ACO1: variants seen among roughly 807,000 people sequenced by gnomAD.
ACO1 encodes the protein cytoplasmic aconitate hydratase.
Under a neutral mutation model 105.1 loss-of-function variants are expected in ACO1, and 78 were observed. The ratio of observed to expected loss-of-function variants is 0.74; its 90% CI spans 0.62 to 0.90. The LOEUF (loss-of-function observed/expected upper bound fraction) is 0.90, where lower values mean the gene tolerates loss of function less well. Among genes scored for constraint, ACO1 ranks in the 40% least tolerant of loss-of-function variants. The pLI, the probability that ACO1 is intolerant of heterozygous loss-of-function variation, is 0.00. For synonymous variants in ACO1, 364 were observed against 397.4 expected (o/e 0.92, Z 1.00); for missense variants, 965 against 1,111.1 (o/e 0.87, Z 1.87).
chr9:32,426,889 C>T (rs539999307), intron 11 of ACO1, among the ~76,000 whole-genome samples: 2 of 152,116 alleles, frequency 1.3e-5, no homozygotes, highest in Admixed American at 6.5e-5. Context: ...TCCTTGCCAG[C>T]CAGCACACAG....
intron 10 of ACO1, 104 bp from the exon 11 acceptor site, chr9:32,425,731 TCTC>T: frequency 1.4e-6 from 1 of 716,672 alleles, no homozygotes; most frequent in Non-Finnish European, 2.1e-6. Context: ...TATTCCTTCT[TCTC>T]AAGTGAGAAC....
chr9:32,397,704 A>G (rs1429418553), intron 1 of ACO1, among the ~76,000 whole-genome samples: 1 of 152,226 alleles, frequency 6.6e-6, no homozygotes, highest in Non-Finnish European at 1.5e-5. Context: ...AACCTCAGAG[A>G]TGCAGTGATA....
chr9:32,395,224 C>T (rs1821348426), intron 1 of ACO1, among the ~76,000 whole-genome samples: 1 of 152,060 alleles, frequency 6.6e-6, no homozygotes, highest in Non-Finnish European at 1.5e-5. Flanking sequence ...ACCTATAACC[C>T]CAGCAATTTG....
chr9:32,408,270 TATTAA>T (rs1821658435), intron 3 of ACO1, among the ~76,000 whole-genome samples: 1 of 152,228 alleles, frequency 6.6e-6, no homozygotes, highest in Non-Finnish European at 1.5e-5. Context: ...ACATAGCCGT[TATTAA>T]ATTTAATACG....
chr9:32,419,196 T>A lies in ACO1; in HGVS notation c.798+19T>A. The A allele has an allele frequency of 1.3e-6, 2 of 1,541,258 alleles. No individual in the cohort carries two copies. Among genetic ancestry groups the A allele is most frequent in the Non-Finnish European group, 1.8e-6 (2 of 1,139,696 alleles). ...TACCAAGGTAACAATGTGCATCCTC[T>A]TCTGTGGTCTTGGAAAGCCACAATG... On this transcript the variant is annotated intron_variant, in intron 7 of 20. Coordinates refer to ENST00000309951, the MANE Select transcript of ACO1 (RefSeq NM_002197.3).
At position 32,450,184 on chromosome 9, in the gene ACO1, C is replaced by T; in HGVS notation, c.*73C>T. On this transcript the variant is annotated 3_prime_UTR_variant, in exon 21 of 21. Coordinates refer to ENST00000309951, the MANE Select transcript of ACO1 (RefSeq NM_002197.3). ...CCAGCGCAGGCCCTGGTGGAGAGGC[C>T]TCCCTGGCTGCCTCTGGGAGGGGTG... The T allele has an allele frequency of 8.1e-7, 1 of 1,239,706 alleles. No individual in the cohort carries two copies. The highest frequency in any genetic ancestry group is 1.2e-6 in the Non-Finnish European group (1 of 841,958). 76.8% of individuals were successfully genotyped at this position (1,239,706 alleles called of 1,614,324 possible).
intron 4 of ACO1, among the ~76,000 whole-genome samples, chr9:32,411,064 T>C (rs1179951125): frequency 2.6e-5 from 4 of 151,820 alleles, no homozygotes. Flanking sequence ...AAGGCCTAGC[T>C]AAGGACCAGC....
chr9:32,449,396 A>T (rs1167145211), intron 20 of ACO1, among the ~76,000 whole-genome samples: 1 of 152,074 alleles, frequency 6.6e-6, no homozygotes, highest in East Asian at 1.9e-4. Context: ...TACCTAAAAC[A>T]TTTCACTATA....
chr9:32,401,723 C>T (rs918720130), intron 1 of ACO1, among the ~76,000 whole-genome samples: 1 of 152,220 alleles, frequency 6.6e-6, no homozygotes, highest in Admixed American at 6.5e-5. Flanking sequence ...ACTCCTCCCA[C>T]CCTTTTACTG....
chr9:32,420,362 T>G (rs1436972581), intron 7 of ACO1, among the ~76,000 whole-genome samples: 1 of 152,252 alleles, frequency 6.6e-6, no homozygotes, highest in Non-Finnish European at 1.5e-5. Flanking sequence ...TCCAATGATC[T>G]CATTAGAGAA....
At chr9:32,435,266 A>G (rs1822330471) in intron 17 of ACO1, among the ~76,000 whole-genome samples, 1 of 152,192 alleles carries the variant, frequency 6.6e-6, no homozygotes, top group South Asian at 2.1e-4. Context: ...TTCTATCCCC[A>G]TCTGCTGAAT....
At chr9:32,437,361 C>T (rs988626252) in intron 18 of ACO1, among the ~76,000 whole-genome samples, 4 of 152,222 alleles carry the variant, frequency 2.6e-5, no homozygotes, top group African/African-American at 9.6e-5. Flanking sequence ...TTTACCACCA[C>T]ACATACTGCC....
At chr9:32,408,374 C>A in intron 3 of ACO1, 140 bp from the exon 4 acceptor site, 1 of 921,818 alleles carries the variant, frequency 1.1e-6, no homozygotes, top group Middle Eastern at 2.6e-4. Flanking sequence ...TAGAAACTTT[C>A]ACTTTTCTAA....
At chr9:32,429,369 C>T (rs1219030727) in intron 12 of ACO1, 50 bp from the exon 13 acceptor site, 1 of 1,576,806 alleles carries the variant, frequency 6.3e-7, no homozygotes, top group Non-Finnish European at 8.7e-7. Context: ...GAAGGGCTCA[C>T]TGAAAGTTAT....
At chr9:32,395,304 C>T (rs555624734) in intron 1 of ACO1, among the ~76,000 whole-genome samples, 20 of 152,170 alleles carry the variant, frequency 1.3e-4, no homozygotes, top group Admixed American at 1.3e-4. Flanking sequence ...GGGGAAACCC[C>T]GTCTCTACTA....
intron 1 of ACO1, among the ~76,000 whole-genome samples, chr9:32,386,622 T>C (rs762514482): frequency 2.6e-5 from 4 of 152,232 alleles, no homozygotes; most frequent in Non-Finnish European, 4.4e-5. Flanking sequence ...CAGCCGATAC[T>C]TGAGAAATGT....
intron 12 of ACO1, among the ~76,000 whole-genome samples, chr9:32,428,890 A>T (rs991442403): frequency 1.3e-5 from 2 of 152,198 alleles, no homozygotes; most frequent in African/African-American, 4.8e-5. Flanking sequence ...GCATCATCAT[A>T]AACAAGAAAT....
chr9:32,420,409 A>G (rs529611223), intron 7 of ACO1, among the ~76,000 whole-genome samples: 7 of 152,354 alleles, frequency 4.6e-5, no homozygotes, highest in South Asian at 4.1e-4. Flanking sequence ...TTTTCTTAAT[A>G]TCATTTGTAT....
At chr9:32,421,126 C>T in intron 8 of ACO1, 99 bp downstream of exon 8, 1 of 1,294,804 alleles carries the variant, frequency 7.7e-7, no homozygotes, top group Non-Finnish European at 1.1e-6. Flanking sequence ...ACAGAAGGCA[C>T]TGGGTTACAG....
Sources: gnomAD v4.1 joint callset for allele counts (sites outside exome capture counted in the v4.1 genomes callset) on GRCh38, gnomAD v4.1.1 for gene constraint, MANE v1.5 for transcripts, NCBI Gene and HGNC (gene_info 2026-07-23, HGNC 2026-07-21) for gene names.